ZBTB21: variants seen among roughly 807,000 people sequenced by gnomAD.
The protein encoded by ZBTB21 is zinc finger and BTB domain containing 21, also known as zinc finger and BTB domain-containing protein 21.
Under a neutral mutation model 39.8 loss-of-function variants are expected in ZBTB21, and 10 were observed. The ratio of observed to expected loss-of-function variants is 0.25; its 90% CI spans 0.16 to 0.43. The LOEUF (loss-of-function observed/expected upper bound fraction) is 0.43, where lower values mean the gene tolerates loss of function less well. Ranked by LOEUF, ZBTB21 falls within the 20% of genes least tolerant of loss-of-function variation. The pLI is 1.00. For missense variants in ZBTB21, 1,221 were observed against 1,296.3 expected (o/e 0.94, Z 0.89); for synonymous variants, 551 against 498.8 (o/e 1.10, Z -1.40).
At chr21:42,003,315 G>C (rs1457692565) in intron 1 of ZBTB21, among the ~76,000 whole-genome samples, 2 of 152,216 alleles carry the variant, frequency 1.3e-5, no homozygotes, top group Non-Finnish European at 2.9e-5. Context: ...CACAAGAGGT[G>C]CTGGTGATGG....
At chr21:42,000,493 G>GC (rs757028680) in intron 2 of ZBTB21, among the ~76,000 whole-genome samples, 2 of 152,160 alleles carry the variant, frequency 1.3e-5, no homozygotes, top group Non-Finnish European at 2.9e-5. Context: ...GCTTGTCCTG[G>GC]CCCTTTAGTG....
intron 2 of ZBTB21, 71 bp downstream of exon 2, chr21:42,002,826 G>T (rs1472895251): frequency 6.6e-6 from 1 of 152,102 alleles, no homozygotes; most frequent in Admixed American, 6.5e-5. Flanking sequence ...GTCTATTTAC[G>T]AGCAACAGAA....
At position 41,993,456 on chromosome 21, in the gene ZBTB21, C is replaced by A; in HGVS notation, c.640G>T (p.Val214Leu). The A allele has an allele frequency of 1.9e-6, 3 of 1,614,210 alleles. No homozygotes were observed. Among genetic ancestry groups the A allele is most frequent in the Non-Finnish European group, 2.5e-6 (3 of 1,180,034 alleles). ...TEKSWPKDSS[V>L]VYAKSLEHSG... ...TGCTCAAGAGACTTTGCATATACCA[C>A]AGAACTATCTTTCGGCCAACTCTTT... The change falls in exon 3 of 3, where the codon GTG becomes TTG. Residue 214 changes from valine to leucine, a missense_variant. Physicochemically the swap from Val to Leu is conservative, Grantham distance 32. Around this residue, in one of 4 missense-constraint regions of ZBTB21, gnomAD observed 500 missense variants for 465.6 expected, o/e 1.07. Transcript: ENST00000310826.
chr21:41,996,577 T>C (rs1038651227), intron 2 of ZBTB21, among the ~76,000 whole-genome samples: 1 of 152,238 alleles, frequency 6.6e-6, no homozygotes, highest in South Asian at 2.1e-4. Context: ...GGATTTGCTT[T>C]GTCTCAGAAG....
At chr21:42,008,313 C>G (rs1398874499) in intron 1 of ZBTB21, among the ~76,000 whole-genome samples, 1 of 121,976 alleles carries the variant, frequency 8.2e-6, no homozygotes, top group Non-Finnish European at 1.6e-5. Context: ...CAAGGCCATC[C>G]TGGTCAACAG....
intron 2 of ZBTB21, among the ~76,000 whole-genome samples, chr21:41,999,127 G>A (rs1480518405): frequency 6.6e-6 from 1 of 152,114 alleles, no homozygotes; most frequent in Non-Finnish European, 1.5e-5. Flanking sequence ...GACTCAGCTG[G>A]GTACTGAGGA....
rs2065647698 is a variant in ZBTB21, at chr21:41,991,190, T to C, written c.2906A>G (p.His969Arg). 4.3e-6 allele frequency: 7 copies of C among 1,614,046 alleles called. No individual in the cohort carries two copies. The highest frequency in any genetic ancestry group is 5.9e-6 in the Non-Finnish European group (7 of 1,180,018). Residue 969 changes from histidine to arginine, a missense_variant, in exon 3 of 3, where the codon CAT becomes CGT. His to Arg is a conservative substitution (Grantham distance 29, BLOSUM62 0). Around this residue, in one of 4 missense-constraint regions of ZBTB21, gnomAD observed 523 missense variants for 542.5 expected, o/e 0.96. Coordinates refer to ENST00000310826, the MANE Select transcript of ZBTB21 (RefSeq NM_001098402.2). The surrounding 1 kb of genome is among the most constrained non-coding windows in gnomAD (Gnocchi z 4.9). ...HMSQASEESA[H>R]KESEVCPVPT... ...AACAGGGCACACCTCAGATTCCTTATGTGCCGATTCCTCTGAAGCCTGAGA... is the reference window on the plus strand; with the variant it reads ...AACAGGGCACACCTCAGATTCCTTACGTGCCGATTCCTCTGAAGCCTGAGA...
intron 1 of ZBTB21, among the ~76,000 whole-genome samples, chr21:42,008,555 AAAAAAAAG>A (rs1326226729): frequency 1.3e-3 from 170 of 134,462 alleles, no homozygotes; most frequent in African/African-American, 3.9e-3. Context: ...AAAAAAAAAA[AAAAAAAAG>A]AAAAAAAGAA....
Position 41,993,149 on chromosome 21 carries a change from A to C in ZBTB21, c.947T>G (p.Val316Gly), listed in dbSNP as rs771189468. The C allele has an allele frequency of 6.2e-7, 1 of 1,614,172 alleles. No homozygotes were observed. The highest frequency in any genetic ancestry group is 2.2e-5 in the East Asian group (1 of 44,890). The change falls in exon 3 of 3, where the codon GTG becomes GGG. Residue 316 changes from valine to glycine, a missense_variant. Physicochemically the swap from Val to Gly is moderately radical, Grantham distance 109. Transcript: ENST00000310826. ...AGAACCAGATCCACTGGATGGGATC[A>C]CTAAGCCTAACTTTGAATAGTACAA... ...NLLYYSKLGL[V>G]IPSSGSGSGN...
intron 1 of ZBTB21, among the ~76,000 whole-genome samples, chr21:42,006,415 C>T (rs986044980): frequency 1.4e-5 from 2 of 147,650 alleles, no homozygotes; most frequent in Non-Finnish European, 3.0e-5. Flanking sequence ...TGAGCCAGAG[C>T]GAAACTCCGT....
Position 41,993,609 on chromosome 21 carries a change from C to T in ZBTB21, c.487G>A (p.Val163Ile), listed in dbSNP as rs1183610194. The T allele has an allele frequency of 6.2e-7, 1 of 1,614,238 alleles. No homozygotes were observed. Residue 163 changes from valine (V) to isoleucine (I), a missense_variant, in exon 3 of 3, where the codon GTT becomes ATT. By Grantham distance (29) the Val-to-Ile change is conservative. This residue lies in a region of ZBTB21 where 500 missense variants were observed against 465.6 expected (regional missense o/e 1.07). Transcript: ENST00000310826. ...CTTACATCGGGTTGATTTTGACTAA[C>T]AGTTTTTCCTTGCGCTTCGTTTCTA... is the stretch of plus-strand genomic sequence containing the variant. ...QSRNEAQGKTVSQNQPDVSHT... is the reference protein window; with the variant it reads ...QSRNEAQGKTISQNQPDVSHT...
chr21:42,005,098 C>A (rs2065863537), intron 1 of ZBTB21, among the ~76,000 whole-genome samples: 1 of 152,234 alleles, frequency 6.6e-6, no homozygotes, highest in African/African-American at 2.4e-5. Context: ...TTCTTGGCCA[C>A]ATTCAGGAGA....
At chr21:41,996,888 G>A (rs757515297) in intron 2 of ZBTB21, among the ~76,000 whole-genome samples, 21 of 152,174 alleles carry the variant, frequency 1.4e-4, no homozygotes, top group Non-Finnish European at 1.8e-4. Context: ...ATAACGAGGA[G>A]TTCCCCTGCA....
At chr21:41,999,844 G>A (rs1440242686) in intron 2 of ZBTB21, among the ~76,000 whole-genome samples, 1 of 152,224 alleles carries the variant, frequency 6.6e-6, no homozygotes, top group Non-Finnish European at 1.5e-5. Flanking sequence ...AGACCGTCTA[G>A]GGCTGGGAGA....
rs1054258389 is a variant in ZBTB21 at position 41,986,934 on chromosome 21, C to T, written c.*3961G>A. Reference sequence around the variant, plus strand: ...TGAATACAAATAAGCAATGGATTAACATTAGATAGAAATCCTATTTTACCA... The same window carrying T: ...TGAATACAAATAAGCAATGGATTAATATTAGATAGAAATCCTATTTTACCA... On this transcript the variant is annotated 3_prime_UTR_variant, in exon 3 of 3. Transcript: ENST00000310826. The T allele has an allele frequency of 6.6e-6, 1 of 152,564 alleles. No homozygotes were observed. The highest frequency in any genetic ancestry group is 2.4e-5 in the African/African-American group (1 of 41,436). 9.5% of individuals were successfully genotyped at this position (152,564 alleles called of 1,614,324 possible). A position where few individuals can be genotyped will look rare whatever the true frequency, so the allele number is the denominator to read the frequency against.
rs146845017 is a variant in ZBTB21 at position 41,991,777 on chromosome 21, C to T, written c.2319G>A (p.Lys773=). ...GCATGCACTCGAGGCAGGTCAGCTTCTTATACTCACACTTGCTCTCGTGTT... is the reference window on the plus strand; with the variant it reads ...GCATGCACTCGAGGCAGGTCAGCTTTTTATACTCACACTTGCTCTCGTGTT... ...KQEHESKCEY[K]KLTCLECMRT... Residue 773 remains lysine (K), a synonymous_variant, in exon 3 of 3, where the codon AAG becomes AAA. Transcript: ENST00000310826. This position sits in a 1 kb window ranked among gnomAD's most constrained non-coding sequence, Gnocchi z 4.9. 12 of 1,614,088 alleles carry T rather than the reference C, an allele frequency of 7.4e-6. No individual in the cohort carries two copies. In the African/African-American group the frequency reaches 1.3e-4, roughly 18 times the overall value.
At position 41,992,223 on chromosome 21, in the gene ZBTB21, T is replaced by C. The variant is rs765051299; in HGVS notation, c.1873A>G (p.Ile625Val). 1.6e-5 allele frequency: 26 copies of C among 1,614,190 alleles called. No individual in the cohort carries two copies. Among genetic ancestry groups the C allele is most frequent in the Non-Finnish European group, 2.2e-5 (26 of 1,180,016 alleles). Residue 625 changes from isoleucine to valine, a missense_variant, in exon 3 of 3, where the codon ATA (isoleucine) becomes GTA (valine). Transcript: ENST00000310826. The surrounding 1 kb of genome is among the most constrained non-coding windows in gnomAD (Gnocchi z 4.1). ...TTCTTAATTTCTCTCTCTCTCACTA[T>C]GTCAATCAGCTTTCTTTGGAATTTT... ...DEKFQRKLID[I>V]VREREIKKAL... is the part of the protein sequence containing the mutation.
Position 41,993,127 on chromosome 21 carries a change from A to C in ZBTB21, c.969T>G (p.Gly323=), listed in dbSNP as rs758526534. Reference sequence around the variant, plus strand: ...TCCTGTCAATGCTTTGGTTTCCAGAACCAGATCCACTGGATGGGATCACTA... The same window carrying C: ...TCCTGTCAATGCTTTGGTTTCCAGACCCAGATCCACTGGATGGGATCACTA... The part of the protein sequence containing the change: ...LGLVIPSSGS[G]SGNQSIDRSG... Residue 323 remains glycine, a synonymous_variant, in exon 3 of 3, where the codon GGT becomes GGG. Transcript: ENST00000310826. The C allele has an allele frequency of 6.2e-7, 1 of 1,614,222 alleles. No homozygotes were observed. Among genetic ancestry groups the C allele is most frequent in the Admixed American group, 1.7e-5 (1 of 60,026 alleles).
At position 41,991,642 on chromosome 21, in the gene ZBTB21, A is replaced by G. The variant is rs535948188; in HGVS notation, c.2454T>C (p.Gly818=). The G allele has an allele frequency of 1.9e-6, 3 of 1,613,906 alleles. No individual in the cohort carries two copies. The East Asian group carries it at 6.7e-5, about 36-fold the overall frequency. The part of the protein sequence containing the change: ...NFSLPVLDHN[G]DVTGSSRPQS... Reference sequence around the variant, plus strand: ...GGGGCCTTGAAGAACCAGTCACATCACCATTGTGGTCCAAAACGGGCAAAG... The same window carrying G: ...GGGGCCTTGAAGAACCAGTCACATCGCCATTGTGGTCCAAAACGGGCAAAG... Residue 818 remains glycine (G), a synonymous_variant, in exon 3 of 3, where the codon GGT becomes GGC. Transcript: ENST00000310826. This position sits in a 1 kb window ranked among gnomAD's most constrained non-coding sequence, Gnocchi z 4.9.
Sources: allele counts gnomAD v4.1 joint callset (sites outside exome capture counted in the v4.1 genomes callset), GRCh38; gene constraint gnomAD v4.1.1; regional missense constraint gnomAD v4.1.1; non-coding constraint Gnocchi (gnomAD v3.1); transcripts MANE v1.5; gene names NCBI Gene and HGNC (gene_info 2026-07-23, HGNC 2026-07-21).